The following COL5A2 variants were observed in gnomAD, a reference collection of about 807,000 sequenced individuals.
COL5A2 encodes the protein collagen type V alpha 2 chain.
COL5A2 carries 23 observed loss-of-function variants against 208.2 expected under a neutral mutation model. The ratio of observed to expected loss-of-function variants is 0.11; its 90% CI spans 0.08 to 0.16. The LOEUF (loss-of-function observed/expected upper bound fraction) is 0.16, where lower values mean the gene tolerates loss of function less well. Ranked by LOEUF, COL5A2 falls within the 10% of genes least tolerant of loss-of-function variation. COL5A2 has a pLI of 1.00. For missense variants in COL5A2, 1,590 were observed against 1,956.4 expected, an observed-to-expected ratio of 0.81 and a Z score of 3.53; for synonymous variants, 625 against 628.5, an observed-to-expected ratio of 0.99 and a Z score of 0.08.
chr2:189,403,319 T>C, the COL5A2 span, among the ~76,000 whole-genome samples: 1 of 152,326 alleles, frequency 6.6e-6, no homozygotes, highest in South Asian at 2.1e-4. Context: ...GGTTGAGACG[T>C]GGGCTTTTCT....
At chr2:189,351,564 AAC>A in the COL5A2 span, among the ~76,000 whole-genome samples, 1 of 152,204 alleles carries the variant, frequency 6.6e-6, no homozygotes, top group African/African-American at 2.4e-5. Flanking sequence ...TATATAAATA[AAC>A]AGTCAATACT....
At chr2:189,316,064 G>A in the COL5A2 span, among the ~76,000 whole-genome samples, 1 of 152,072 alleles carries the variant, frequency 6.6e-6, no homozygotes, top group Non-Finnish European at 1.5e-5. Context: ...ATTCCTCAAA[G>A]ACCTAAAGAC....
At chr2:189,290,717 TACACACAC>T in the COL5A2 span, among the ~76,000 whole-genome samples, 64 of 136,612 alleles carry the variant, frequency 4.7e-4, no homozygotes, top group East Asian at 1.5e-3. Flanking sequence ...TTTTTGTTAA[TACACACAC>T]ACACACACAC....
chr2:189,097,987 A>G (rs1031420765), intron 5 of COL5A2, among the ~76,000 whole-genome samples: 17 of 151,954 alleles, frequency 1.1e-4, no homozygotes, highest in Non-Finnish European at 2.5e-4. Context: ...ACAAATGACT[A>G]TTATATTTCA....
At chr2:189,293,891 C>T in the COL5A2 span, among the ~76,000 whole-genome samples, 11 of 152,242 alleles carry the variant, frequency 7.2e-5, no homozygotes, top group Middle Eastern at 3.4e-3. Flanking sequence ...CGAAACCATC[C>T]TGGCTAACAC....
chr2:189,054,345 A>G (rs891096723), intron 35 of COL5A2, 133 bp from the exon 36 acceptor site: 2 of 671,890 alleles, frequency 3.0e-6, no homozygotes, highest in Non-Finnish European at 5.3e-6. Context: ...ATTATCTATA[A>G]TAAATGATAT....
At chr2:189,405,240 CTT>C in the COL5A2 span, among the ~76,000 whole-genome samples, 1 of 142,404 alleles carries the variant, frequency 7.0e-6, no homozygotes, top group African/African-American at 2.6e-5. Context: ...CCTTTTTTTT[CTT>C]TTTTTTTTAG....
chr2:189,110,634 T>A (rs1208945660), intron 1 of COL5A2, among the ~76,000 whole-genome samples, 185 bp from the exon 2 acceptor site: 1 of 152,198 alleles, frequency 6.6e-6, no homozygotes, highest in East Asian at 1.9e-4. Context: ...GAAATAATGA[T>A]AATGTATCCT....
the COL5A2 span, among the ~76,000 whole-genome samples, chr2:189,340,300 G>A: frequency 2.6e-5 from 4 of 152,180 alleles, no homozygotes; most frequent in African/African-American, 9.6e-5. Context: ...ATGGCCAAGG[G>A]AATTAGAGTC....
the COL5A2 span, among the ~76,000 whole-genome samples, chr2:189,432,029 T>C: frequency 6.6e-6 from 1 of 151,844 alleles, no homozygotes; most frequent in Non-Finnish European, 1.5e-5. Flanking sequence ...CAGAAAAGAG[T>C]GGGCGACAGT....
intron 1 of COL5A2, among the ~76,000 whole-genome samples, chr2:189,124,655 A>G (rs1687574243): frequency 6.6e-6 from 1 of 152,088 alleles, no homozygotes; most frequent in Non-Finnish European, 1.5e-5. Flanking sequence ...TTTAAATTAC[A>G]TTACATTCAT....
intron 1 of COL5A2, among the ~76,000 whole-genome samples, chr2:189,151,276 ACC>A (rs1688136775): frequency 6.6e-6 from 1 of 152,206 alleles, no homozygotes; most frequent in Non-Finnish European, 1.5e-5. Flanking sequence ...TCCAAAATGT[ACC>A]TTCTTTAAAG....
chr2:189,410,264 T>C, the COL5A2 span, among the ~76,000 whole-genome samples: 4 of 152,208 alleles, frequency 2.6e-5, no homozygotes, highest in Non-Finnish European at 4.4e-5. Context: ...ACTAGAGATA[T>C]CATTTAGTCA....
chr2:189,090,676 G>A (rs1424072982), intron 7 of COL5A2, among the ~76,000 whole-genome samples: 1 of 152,124 alleles, frequency 6.6e-6, no homozygotes, highest in African/African-American at 2.4e-5. Context: ...TTCTTATTAT[G>A]GAAATCCTAG....
the COL5A2 span, among the ~76,000 whole-genome samples, chr2:189,342,640 A>AACACACACACACAC: frequency 2.1e-5 from 3 of 143,690 alleles, no homozygotes; most frequent in African/African-American, 5.1e-5. Context: ...AGAGAGCTAA[A>AACACACACACACAC]ACACACACAC....
At chr2:189,297,411 A>G in the COL5A2 span, among the ~76,000 whole-genome samples, 2 of 152,174 alleles carry the variant, frequency 1.3e-5, no homozygotes, top group Non-Finnish European at 2.9e-5. Flanking sequence ...GAGGCACTTC[A>G]TATGTTATTA....
At chr2:189,100,873 T>G (rs1384439192) in intron 3 of COL5A2, among the ~76,000 whole-genome samples, 1 of 152,038 alleles carries the variant, frequency 6.6e-6, no homozygotes, top group African/African-American at 2.4e-5. Flanking sequence ...AGAATTTATT[T>G]TGTTTCTTAG....
chr2:189,222,442 T>A (rs1689358612), intron 1 of COL5A2, among the ~76,000 whole-genome samples: 1 of 152,198 alleles, frequency 6.6e-6, no homozygotes, highest in South Asian at 2.1e-4. Flanking sequence ...TTATCAAGTA[T>A]GATTTTCATA....
At chr2:189,053,355 A>C in intron 38 of COL5A2, 69 bp downstream of exon 38, 2 of 1,303,318 alleles carry the variant, frequency 1.5e-6, no homozygotes, top group Non-Finnish European at 2.2e-6. Context: ...AACATATGAC[A>C]ATGATCATTA....
Sources: gnomAD v4.1 joint callset for allele counts (sites outside exome capture counted in the v4.1 genomes callset) on GRCh38, gnomAD v4.1.1 for gene constraint, MANE v1.5 for transcripts, NCBI Gene and HGNC (gene_info 2026-07-23, HGNC 2026-07-21) for gene names.